Variants in CLOCK observed in about 807,000 individuals in gnomAD.
CLOCK encodes clock circadian regulator, also known as circadian locomoter output cycles protein kaput.
In CLOCK, 43 loss-of-function variants were observed where a neutral mutation model predicts 118.4. The ratio of observed to expected loss-of-function variants is 0.36; its 90% CI spans 0.28 to 0.47. CLOCK has a LOEUF of 0.47. Among genes scored for constraint, CLOCK ranks in the 20% least tolerant of loss-of-function variants. CLOCK has a pLI of 1.00. For synonymous variants in CLOCK, 326 were observed against 339.2 expected (o/e 0.96, Z 0.43); for missense variants, 846 against 999.9 (o/e 0.85, Z 2.08).
intron 15 of CLOCK, 131 bp from the exon 16 acceptor site, chr4:55,450,363 C>T (rs1330698276): frequency 5.1e-6 from 5 of 977,018 alleles, no homozygotes; most frequent in Non-Finnish European, 8.0e-6. Context: ...TATGTACATA[C>T]ACATGTAAAG....
At chr4:55,439,789 G>A (rs756508493) in intron 21 of CLOCK, among the ~76,000 whole-genome samples, 1 of 152,130 alleles carries the variant, frequency 6.6e-6, no homozygotes, top group Non-Finnish European at 1.5e-5. Flanking sequence ...CCATTTATAT[G>A]AGGTACTTAG....
chr4:55,453,868 T>C (rs776672047), intron 13 of CLOCK, 44 bp from the exon 14 acceptor site: 7 of 1,405,962 alleles, frequency 5.0e-6, no homozygotes, highest in East Asian at 5.0e-5. Flanking sequence ...ATTCATATTA[T>C]ATAAAGATTG....
At chr4:55,492,066 A>G (rs941458449) in intron 2 of CLOCK, among the ~76,000 whole-genome samples, 5 of 152,186 alleles carry the variant, frequency 3.3e-5, no homozygotes, top group Non-Finnish European at 7.3e-5. Context: ...CATTATGCTG[A>G]TATCAAAGCC....
chr4:55,459,767 A>G (rs1485010548), intron 9 of CLOCK, among the ~76,000 whole-genome samples: 1 of 152,058 alleles, frequency 6.6e-6, no homozygotes, highest in Non-Finnish European at 1.5e-5. Context: ...GGCTCAAGTG[A>G]GCCCCCTGCC....
intron 10 of CLOCK, 68 bp from the exon 11 acceptor site, chr4:55,459,078 C>T (rs1418199551): frequency 2.0e-6 from 3 of 1,470,760 alleles, no homozygotes; most frequent in African/African-American, 2.8e-5. Flanking sequence ...GATATTCAAA[C>T]ATCTATGTCT....
Position 55,429,853 on chromosome 4 carries a change from G to T in CLOCK, c.*5562C>A, listed in dbSNP as rs1243702496. ...TTCTTTCTTAGATGACTTGAGGAGGGAAGTGCAGGGGCATCTGGAGTTGGC... is the reference window on the plus strand; with the variant it reads ...TTCTTTCTTAGATGACTTGAGGAGGTAAGTGCAGGGGCATCTGGAGTTGGC... On this transcript the variant is annotated 3_prime_UTR_variant, in exon 23 of 23. Transcript: ENST00000513440. The T allele has an allele frequency of 6.6e-6, 1 of 152,216 alleles. No individual in the cohort carries two copies. Among genetic ancestry groups the T allele is most frequent in the African/African-American group, 2.4e-5 (1 of 41,442 alleles). The allele number at this position is 152,216 out of a possible 1,614,324, so 9.4% of individuals were successfully genotyped here.
At chr4:55,441,939 T>G (rs777118502) in intron 21 of CLOCK, among the ~76,000 whole-genome samples, 1 of 152,172 alleles carries the variant, frequency 6.6e-6, no homozygotes, top group Non-Finnish European at 1.5e-5. Flanking sequence ...TAGCTATAGA[T>G]CCCTTGGCTA....
intron 7 of CLOCK, among the ~76,000 whole-genome samples, chr4:55,474,028 T>C (rs1289358257): frequency 6.6e-6 from 1 of 152,150 alleles, no homozygotes; most frequent in Non-Finnish European, 1.5e-5. Flanking sequence ...CCCTCATCTC[T>C]GACTTTAAAT....
At chr4:55,532,759 A>T (rs1730635217) in intron 1 of CLOCK, among the ~76,000 whole-genome samples, 1 of 151,956 alleles carries the variant, frequency 6.6e-6, no homozygotes, top group Non-Finnish European at 1.5e-5. Flanking sequence ...AGGTAGGAGG[A>T]TCATTTGAGC....
chr4:55,519,513 G>C (rs1340792830), intron 1 of CLOCK, among the ~76,000 whole-genome samples: 2 of 152,140 alleles, frequency 1.3e-5, no homozygotes, highest in African/African-American at 4.8e-5. Context: ...TGGACCAGGC[G>C]TGGTAGCTCA....
chr4:55,488,228 A>G (rs1413068640), intron 3 of CLOCK, among the ~76,000 whole-genome samples: 3 of 152,078 alleles, frequency 2.0e-5, no homozygotes, highest in Non-Finnish European at 4.4e-5. Flanking sequence ...TTTTGTACTC[A>G]TCTTGCTGGC....
intron 9 of CLOCK, among the ~76,000 whole-genome samples, chr4:55,463,056 G>A (rs748959943): frequency 1.3e-5 from 2 of 152,120 alleles, no homozygotes; most frequent in Non-Finnish European, 2.9e-5. Flanking sequence ...GGTAATATAT[G>A]AAGAAAATGA....
chr4:55,519,622 A>G (rs1729734933), intron 1 of CLOCK, among the ~76,000 whole-genome samples: 1 of 151,974 alleles, frequency 6.6e-6, no homozygotes, highest in South Asian at 2.1e-4. Context: ...ATACAAAAAT[A>G]CAAAAATTAG....
At chr4:55,462,659 T>C (rs1199198248) in intron 9 of CLOCK, among the ~76,000 whole-genome samples, 1 of 152,232 alleles carries the variant, frequency 6.6e-6, no homozygotes, top group East Asian at 1.9e-4. Context: ...CTTCAAATAC[T>C]AATTGTAGGT....
At chr4:55,496,285 T>C (rs527242118) in intron 2 of CLOCK, among the ~76,000 whole-genome samples, 5 of 151,046 alleles carry the variant, frequency 3.3e-5, no homozygotes, top group Admixed American at 3.3e-4. Flanking sequence ...AAAAAAACTG[T>C]GCCAGCTCAT....
At chr4:55,513,528 A>G (rs765421241) in intron 1 of CLOCK, among the ~76,000 whole-genome samples, 8 of 152,094 alleles carry the variant, frequency 5.3e-5, no homozygotes, top group Non-Finnish European at 1.2e-4. Flanking sequence ...GCTTTCACCA[A>G]TACCACACTG....
chr4:55,472,917 T>C (rs1438218335), intron 7 of CLOCK, among the ~76,000 whole-genome samples: 1 of 152,160 alleles, frequency 6.6e-6, no homozygotes, highest in Non-Finnish European at 1.5e-5. Flanking sequence ...GCCAGTATTA[T>C]TATTTCATAA....
intron 7 of CLOCK, 22 bp downstream of exon 7, chr4:55,475,941 C>T (rs1276794284): frequency 2.6e-6 from 4 of 1,562,720 alleles, no homozygotes; most frequent in Non-Finnish European, 3.5e-6. Context: ...ATAAAACTTT[C>T]AAAAATTAAA....
chr4:55,470,673 T>A (rs747424422), intron 8 of CLOCK, 44 bp downstream of exon 8: 19 of 1,334,830 alleles, frequency 1.4e-5, no homozygotes, highest in African/African-American at 4.3e-5. Context: ...ATATTTAAAA[T>A]AGGCATTTTA....
Sources: gnomAD v4.1 joint callset for allele counts (sites outside exome capture counted in the v4.1 genomes callset) on GRCh38, gnomAD v4.1.1 for gene constraint, MANE v1.5 for transcripts, NCBI Gene and HGNC (gene_info 2026-07-23, HGNC 2026-07-21) for gene names.